The following KIAA1217 variants were observed in gnomAD, a reference collection of about 807,000 sequenced individuals.
The protein encoded by KIAA1217 is KIAA1217, also known as sickle tail protein homolog.
In KIAA1217, 88 loss-of-function variants were observed where a neutral mutation model predicts 163.9. That is an observed-to-expected ratio of 0.54 (90% CI 0.45 to 0.64). The LOEUF (loss-of-function observed/expected upper bound fraction) is 0.64. KIAA1217 is among the 30% of genes least tolerant of loss of function. The pLI is 0.00. For synonymous variants in KIAA1217, 903 were observed against 923.1 expected, an observed-to-expected ratio of 0.98 and a Z score of 0.39; for missense variants, 2,372 against 2,475.0, an observed-to-expected ratio of 0.96 and a Z score of 0.88.
chr10:24,243,027 G>A (rs771018321), intron 2 of KIAA1217, among the ~76,000 whole-genome samples: 16 of 152,184 alleles, frequency 1.1e-4, no homozygotes, highest in South Asian at 2.1e-4. Flanking sequence ...CCATTCTGTA[G>A]GTTGTTTGCT....
At chr10:23,965,913 G>T (rs993950051) in intron 1 of KIAA1217, among the ~76,000 whole-genome samples, 1 of 152,188 alleles carries the variant, frequency 6.6e-6, no homozygotes, top group East Asian at 1.9e-4. Context: ...GTGGGTAAAA[G>T]TGTCCCTGTA....
intron 3 of KIAA1217, among the ~76,000 whole-genome samples, chr10:24,387,635 G>A (rs2054196214): frequency 6.6e-6 from 1 of 152,210 alleles, no homozygotes; most frequent in South Asian, 2.1e-4. Context: ...CAGGTGACAT[G>A]ACTGTATATT....
intron 1 of KIAA1217, among the ~76,000 whole-genome samples, chr10:23,926,650 G>A (rs1412010840): frequency 2.6e-5 from 4 of 151,880 alleles, no homozygotes; most frequent in African/African-American, 4.8e-5. Context: ...GCTTGAACCC[G>A]GGAGGCGGAG....
intron 1 of KIAA1217, among the ~76,000 whole-genome samples, chr10:23,889,146 AT>A (rs1841314298): frequency 6.6e-6 from 1 of 151,874 alleles, no homozygotes; most frequent in Non-Finnish European, 1.5e-5. Context: ...TTCAGCATAC[AT>A]TTTGGTGTTC....
In KIAA1217 at chr10:24,381,070, A is replaced by G; in HGVS notation, c.553+3A>G. 6.5e-7 allele frequency: 1 copy of G among 1,532,094 alleles called. No homozygotes were observed. The highest frequency in any genetic ancestry group is 8.8e-7 in the Non-Finnish European group (1 of 1,136,796). The allele number at this position is 1,532,094 out of a possible 1,614,324, so 94.9% of individuals were successfully genotyped here. A position where few individuals can be genotyped will look rare whatever the true frequency, so the allele number is the denominator to read the frequency against. On this transcript the variant is annotated splice_donor_region_variant and intron_variant, in intron 3 of 20. Coordinates refer to ENST00000376454, the MANE Select transcript of KIAA1217 (RefSeq NM_019590.5). ...CCAGACGAAAGAAAGATCTCTGGGT[A>G]AGCTTTAGAAGGCAGTTTCTGATGC...
intron 1 of KIAA1217, among the ~76,000 whole-genome samples, chr10:23,980,780 G>A (rs780669245): frequency 9.2e-5 from 14 of 152,058 alleles, no homozygotes; most frequent in Admixed American, 1.3e-4. Context: ...TCACAATTCC[G>A]TTCAGCTCAA....
intron 1 of KIAA1217, among the ~76,000 whole-genome samples, chr10:23,829,286 C>T (rs567303893): frequency 7.9e-5 from 12 of 152,226 alleles, no homozygotes; most frequent in East Asian, 3.9e-4. Flanking sequence ...TCTAATTTCC[C>T]GTTACCTGGA....
chr10:24,153,931 G>C (rs1050511572), intron 2 of KIAA1217, among the ~76,000 whole-genome samples: 1 of 152,022 alleles, frequency 6.6e-6, no homozygotes, highest in Non-Finnish European at 1.5e-5. Flanking sequence ...CTGGGCAACA[G>C]AGTAAGACTG....
intron 2 of KIAA1217, among the ~76,000 whole-genome samples, chr10:24,273,991 A>T (rs547385362): frequency 6.6e-6 from 1 of 152,218 alleles, no homozygotes; most frequent in East Asian, 1.9e-4. Context: ...GCATTTTCTA[A>T]TGTAGTACCA....
chr10:24,532,879 C>G (rs138386338), intron 15 of KIAA1217, among the ~76,000 whole-genome samples, 191 bp from the exon 16 acceptor site: 1 of 152,168 alleles, frequency 6.6e-6, no homozygotes, highest in African/African-American at 2.4e-5. Flanking sequence ...TTAATCCATT[C>G]ACCAAAATGA....
At chr10:24,124,672 GT>G in intron 2 of KIAA1217, among the ~76,000 whole-genome samples, 1 of 152,120 alleles carries the variant, frequency 6.6e-6, no homozygotes, top group Non-Finnish European at 1.5e-5. Flanking sequence ...AATATTTTCT[GT>G]ATTTATTGAG....
Position 24,097,608 on chromosome 10 carries a change from T to A in KIAA1217, c.-171+90234T>A, listed in dbSNP as rs1049423125. ...AGAAAAGAAGAGTCTGGAAATTTTT[T>A]AAATAGTAAGAAATTAAGAAGAAAA... is the stretch of plus-strand genomic sequence containing the variant. On this transcript the variant is annotated intron_variant, in intron 2 of 18. Transcript: ENST00000376462. Among the ~76,000 whole-genome samples the A allele has an allele frequency of 2.6e-5, 4 of 152,128 alleles. No homozygotes were observed. In the South Asian group the frequency reaches 6.2e-4, roughly 24 times the overall value.
chr10:24,390,187 G>A (rs1339887154), intron 3 of KIAA1217, among the ~76,000 whole-genome samples: 1 of 152,128 alleles, frequency 6.6e-6, no homozygotes, highest in Non-Finnish European at 1.5e-5. Context: ...TATATTTGTA[G>A]ATATTGTAGT....
intron 2 of KIAA1217, among the ~76,000 whole-genome samples, chr10:24,082,627 T>G (rs2061575221): frequency 1.3e-5 from 2 of 152,250 alleles, no homozygotes; most frequent in African/African-American, 4.8e-5. Flanking sequence ...TACCACAGTT[T>G]CTTTATCCAG....
chr10:23,983,278 A>G (rs1845844210), intron 1 of KIAA1217, among the ~76,000 whole-genome samples: 1 of 152,190 alleles, frequency 6.6e-6, no homozygotes, highest in South Asian at 2.1e-4. Flanking sequence ...CAAGTAATCC[A>G]ATTGTATTAG....
chr10:24,469,314 AG>A (rs1421175819), intron 5 of KIAA1217, among the ~76,000 whole-genome samples: 1 of 151,878 alleles, frequency 6.6e-6, no homozygotes, highest in African/African-American at 2.4e-5. Context: ...TTATAGAGAC[AG>A]GGTTTTGCCA....
At chr10:24,311,356 C>T (rs191136649) in intron 2 of KIAA1217, among the ~76,000 whole-genome samples, 18 of 152,284 alleles carry the variant, frequency 1.2e-4, no homozygotes, top group Admixed American at 7.8e-4. Flanking sequence ...GGGTGGTGAA[C>T]GGGTCCTCGC....
chr10:23,995,168 C>T (rs1022836243), intron 1 of KIAA1217, among the ~76,000 whole-genome samples: 6 of 152,090 alleles, frequency 3.9e-5, no homozygotes, highest in African/African-American at 1.4e-4. Flanking sequence ...ACTAGGAGTA[C>T]AGGGGTGGCT....
chr10:24,266,568 G>C (rs1017457497), intron 2 of KIAA1217, among the ~76,000 whole-genome samples: 1 of 152,148 alleles, frequency 6.6e-6, no homozygotes, highest in Non-Finnish European at 1.5e-5. Flanking sequence ...AGTTAGGAAT[G>C]TAAAACGCAC....
Sources: allele counts gnomAD v4.1 joint callset (sites outside exome capture counted in the v4.1 genomes callset), GRCh38; gene constraint gnomAD v4.1.1; transcripts MANE v1.5; gene names NCBI Gene and HGNC (gene_info 2026-07-23, HGNC 2026-07-21).